EPAS1: variants seen among roughly 807,000 people sequenced by gnomAD.
EPAS1 encodes the protein endothelial PAS domain-containing protein 1.
In EPAS1, 23 loss-of-function variants were observed where a neutral mutation model predicts 87.9. That is an observed-to-expected ratio of 0.26 (90% confidence interval 0.19 to 0.37). The LOEUF is 0.37. Ranked by LOEUF, EPAS1 falls within the 10% of genes least tolerant of loss-of-function variation. EPAS1 has a pLI of 1.00. For synonymous variants in EPAS1, 508 were observed against 444.3 expected (o/e 1.14, Z -1.80); for missense variants, 1,138 against 1,120.7 (o/e 1.02, Z -0.22).
chr2:46,336,376 G>A (rs1683795143), intron 1 of EPAS1, among the ~76,000 whole-genome samples: 1 of 152,060 alleles, frequency 6.6e-6, no homozygotes, highest in Non-Finnish European at 1.5e-5. Flanking sequence ...TTTAATAAGG[G>A]CCTATGAGTA....
intron 1 of EPAS1, among the ~76,000 whole-genome samples, chr2:46,331,636 A>T (rs572040628): frequency 7.2e-5 from 11 of 152,102 alleles, no homozygotes; most frequent in African/African-American, 2.7e-4. Context: ...GTTTAAAAAT[A>T]ATTAAGGGAA....
At chr2:46,354,605 T>C (rs1684234337) in intron 2 of EPAS1, among the ~76,000 whole-genome samples, 2 of 150,892 alleles carry the variant, frequency 1.3e-5, no homozygotes. Flanking sequence ...GGTGGAAGTT[T>C]TCCTAGGCTG....
Position 46,360,644 on chromosome 2 carries a change from G to C in EPAS1, c.461G>C (p.Gly154Ala). ...RENLSLKNGS[G>A]FGKKSKDMST... ...CCCATCCTTCCACATCCAGGCTCTG[G>C]TTTTGGGAAAAAAAGCAAAGACATG... is the stretch of plus-strand genomic sequence containing the variant. The change falls in exon 5 of 16, where the codon GGT (glycine) becomes GCT (alanine). Residue 154 changes from glycine to alanine, a missense_variant. Physicochemically the swap from Gly to Ala is moderately conservative, Grantham distance 60 (BLOSUM62 0). Coordinates refer to ENST00000263734, the MANE Select transcript of EPAS1 (RefSeq NM_001430.5). The surrounding 1 kb of genome is among the most constrained non-coding windows in gnomAD (Gnocchi z 4.5). 3.1e-6 allele frequency: 5 copies of C among 1,613,930 alleles called. No individual in the cohort carries two copies. The highest frequency in any genetic ancestry group is 4.2e-6 in the Non-Finnish European group (5 of 1,179,978).
rs1163964552 is a variant in EPAS1 at position 46,385,734 on chromosome 2, C to T, written c.*1074C>T. On this transcript the variant is annotated 3_prime_UTR_variant, in exon 16 of 16. Coordinates refer to ENST00000263734, the MANE Select transcript of EPAS1 (RefSeq NM_001430.5). ...TTGCTGCCAAGAGGGTCTGATGGCA[C>T]GTTGTGGGGTCGGGGGGTGGGGCGG... 2 of 114,290 alleles carry T rather than the reference C, an allele frequency of 1.7e-5. No homozygotes were observed. The highest frequency in any genetic ancestry group is 1.2e-4 in the Admixed American group (1 of 8,542). 7.1% of individuals were successfully genotyped at this position (114,290 alleles called of 1,614,324 possible).
intron 2 of EPAS1, among the ~76,000 whole-genome samples, chr2:46,354,538 T>G (rs1219221066): frequency 6.6e-6 from 1 of 150,780 alleles, no homozygotes; most frequent in African/African-American, 2.4e-5. Flanking sequence ...GTCTATATTT[T>G]TCAGATAGCA....
intron 6 of EPAS1, among the ~76,000 whole-genome samples, chr2:46,367,323 C>G (rs1252693467): frequency 6.6e-6 from 1 of 152,214 alleles, no homozygotes; most frequent in Admixed American, 6.5e-5. Flanking sequence ...CCAGTAGGCT[C>G]ATTTTGGAGG....
rs1558603170 is a variant in EPAS1 at position 46,363,013 on chromosome 2, G to GAT, written c.779+1923_779+1924insAT. Among the ~76,000 whole-genome samples, 1,009 of 131,380 alleles carry GAT rather than the reference G, an allele frequency of 7.7e-3. 15 individuals are homozygous for GAT. The highest frequency in any genetic ancestry group is 9.8e-3 in the Non-Finnish European group (589 of 59,936). The allele number at this position is 131,380 out of a possible 152,430, so 86.2% of individuals were successfully genotyped here. ...TGGTGGTGGTGGTGGTGGTGGTGGT[G>GAT]GTGGTGATAATGATGGTGGTTCAAG... On this transcript the variant is annotated intron_variant, in intron 6 of 15. Transcript: ENST00000263734.
rs188913349 is a variant in EPAS1 at position 46,355,622 on chromosome 2, C to T, written c.218-529C>T. On this transcript the variant is annotated intron_variant, in intron 2 of 15. Coordinates refer to ENST00000263734, the MANE Select transcript of EPAS1 (RefSeq NM_001430.5). The stretch of plus-strand genomic sequence containing the variant: ...CAGCTAAAATTTGTTCCTACTACTA[C>T]GACTACCATTATATTCAGGCATACT... 3.6e-3 allele frequency among the ~76,000 whole-genome samples: 541 copies of T among 152,326 alleles called. 1 individual carries two copies. The highest frequency in any genetic ancestry group is 6.2e-3 in the Non-Finnish European group (421 of 68,032).
At chr2:46,338,789 G>T (rs1683849285) in intron 1 of EPAS1, among the ~76,000 whole-genome samples, 1 of 152,194 alleles carries the variant, frequency 6.6e-6, no homozygotes, top group South Asian at 2.1e-4. Context: ...CCAAGGCTGA[G>T]ACTGTTGCAT....
intron 1 of EPAS1, among the ~76,000 whole-genome samples, chr2:46,343,919 G>T (rs1247445395): frequency 6.6e-6 from 1 of 152,258 alleles, no homozygotes; most frequent in African/African-American, 2.4e-5. Context: ...AACAGTGACA[G>T]TACCTGTCTT....
In EPAS1 at chr2:46,381,988, G is replaced by C. The variant is rs1252812677; in HGVS notation, c.2186G>C (p.Gly729Ala). 2.5e-6 allele frequency: 4 copies of C among 1,613,852 alleles called. No homozygotes were observed. Among genetic ancestry groups the C allele is most frequent in the Non-Finnish European group, 3.4e-6 (4 of 1,179,910 alleles). ...TCTTACTCCCAGGGGGACCCACCTG[G>C]TGGCAGCACCTCACATTTGATGTGG... ...FQDLSGGDPP[G>A]GSTSHLMWKR... is the part of the protein sequence containing the mutation. The change falls in exon 14 of 16, where the codon GGT becomes GCT. Residue 729 changes from glycine to alanine, a missense_variant. By Grantham distance (60) the Gly-to-Ala change is moderately conservative. This residue lies in a region of EPAS1 where 502 missense variants were observed against 427.1 expected (regional missense o/e 1.18). Transcript: ENST00000263734.
At chr2:46,381,515 G>A in intron 12 of EPAS1, 81 bp from the exon 13 acceptor site, 3 of 1,609,318 alleles carry the variant, frequency 1.9e-6, no homozygotes, top group Middle Eastern at 1.7e-4. Context: ...CATTGGGACT[G>A]GAAGGGCCCC....
At chr2:46,348,958 G>A (rs192711247) in intron 2 of EPAS1, among the ~76,000 whole-genome samples, 12 of 152,308 alleles carry the variant, frequency 7.9e-5, no homozygotes, top group Admixed American at 4.6e-4. Context: ...TTATTTCACA[G>A]ATAAGTGAAG....
chr2:46,337,259 G>C (rs1683812839), intron 1 of EPAS1, among the ~76,000 whole-genome samples: 1 of 152,224 alleles, frequency 6.6e-6, no homozygotes, highest in African/African-American at 2.4e-5. Flanking sequence ...GAGCAACACA[G>C]GGCCAAATCG....
rs957817242 is a variant in EPAS1, at chr2:46,375,799, G to T, written c.996G>T (p.Leu332=). Residue 332 remains leucine (L), a synonymous_variant, in exon 8 of 16, where the codon CTG becomes CTT. Coordinates refer to ENST00000263734, the MANE Select transcript of EPAS1 (RefSeq NM_001430.5). This position sits in a 1 kb window ranked among gnomAD's most constrained non-coding sequence, Gnocchi z 4.1. ...QGTVIYNPRN[L]QPQCIMCVNY... The stretch of plus-strand genomic sequence containing the variant: ...CGGTCATCTACAACCCTCGCAACCT[G>T]CAGCCCCAGTGCATCATGTGTGTCA... 1.9e-6 allele frequency: 3 copies of T among 1,614,116 alleles called. No homozygotes were observed. The Admixed American group carries it at 5.0e-5, about 27-fold the overall frequency.
At chr2:46,329,108 GT>G (rs749580746) in intron 1 of EPAS1, among the ~76,000 whole-genome samples, 5 of 152,188 alleles carry the variant, frequency 3.3e-5, no homozygotes, top group Non-Finnish European at 7.3e-5. Context: ...AGCTTCCTGG[GT>G]TTTTAAAGTC....
At chr2:46,325,517 C>G (rs538363220) in intron 1 of EPAS1, among the ~76,000 whole-genome samples, 1 of 152,266 alleles carries the variant, frequency 6.6e-6, no homozygotes, top group Admixed American at 6.5e-5. Flanking sequence ...TGGTGACCTC[C>G]TAGTAGTTCA....
chr2:46,346,493 T>C lies in EPAS1; in HGVS notation c.27-380T>C, dbSNP rs1684028885. Among the ~76,000 whole-genome samples, 1 of 152,242 alleles carries C rather than the reference T, an allele frequency of 6.6e-6. No individual in the cohort carries two copies. Among genetic ancestry groups the C allele is most frequent in the Non-Finnish European group, 1.5e-5 (1 of 68,042 alleles). ...CCCTTGACAAAGCCATCTGAGCCAC[T>C]GATCATAGCTTCCTTACCCTTCTCT... On this transcript the variant is annotated intron_variant, in intron 1 of 15. Transcript: ENST00000263734. The surrounding 1 kb of genome is among the most constrained non-coding windows in gnomAD (Gnocchi z 4.0).
intron 2 of EPAS1, among the ~76,000 whole-genome samples, chr2:46,352,614 C>T (rs529914922): frequency 6.6e-6 from 1 of 152,280 alleles, no homozygotes; most frequent in Non-Finnish European, 1.5e-5. Flanking sequence ...CCTCCTGGCT[C>T]CCCAGTTTTC....
Sources: allele counts gnomAD v4.1 joint callset (sites outside exome capture counted in the v4.1 genomes callset), GRCh38; gene constraint gnomAD v4.1.1; regional missense constraint gnomAD v4.1.1; non-coding constraint Gnocchi (gnomAD v3.1); transcripts MANE v1.5; gene names NCBI Gene and HGNC (gene_info 2026-07-23, HGNC 2026-07-21).